The following EBF3 variants were observed in gnomAD, a reference collection of about 807,000 sequenced individuals.
The protein encoded by EBF3 is transcription factor COE3.
A neutral mutation model predicts 77.1 loss-of-function variants in EBF3; 18 were observed. The observed-to-expected ratio is 0.23, with a 90% CI of 0.16 to 0.35. EBF3 has a LOEUF of 0.35. Among genes scored for constraint, EBF3 ranks in the 10% least tolerant of loss-of-function variants. The pLI, the probability that EBF3 is intolerant of heterozygous loss-of-function variation, is 1.00. For missense variants in EBF3, 558 were observed against 860.0 expected, an observed-to-expected ratio of 0.65 and a Z score of 4.39; for synonymous variants, 350 against 343.5, an observed-to-expected ratio of 1.02 and a Z score of -0.21.
chr10:129,931,875 G>T (rs1857049294), intron 6 of EBF3, among the ~76,000 whole-genome samples: 1 of 152,194 alleles, frequency 6.6e-6, no homozygotes, highest in African/African-American at 2.4e-5. Context: ...TGGGTATCTG[G>T]AGTGCCCTGG....
intron 6 of EBF3, among the ~76,000 whole-genome samples, chr10:129,916,842 G>A (rs556535972): frequency 2.0e-5 from 3 of 152,326 alleles, no homozygotes; most frequent in East Asian, 1.9e-4. Context: ...CAGGACGAAG[G>A]TGCTCCCTGG....
chr10:129,928,401 T>A (rs1035237167), intron 6 of EBF3, among the ~76,000 whole-genome samples: 5 of 152,208 alleles, frequency 3.3e-5, no homozygotes, highest in African/African-American at 1.2e-4. Flanking sequence ...ACACACATTT[T>A]TATATCATTT....
At chr10:129,950,976 T>A (rs1380627899) in intron 6 of EBF3, among the ~76,000 whole-genome samples, 1 of 152,216 alleles carries the variant, frequency 6.6e-6, no homozygotes, top group African/African-American at 2.4e-5. Flanking sequence ...GAGCTTGGAA[T>A]TTTTATCTTC....
At chr10:129,940,791 G>C (rs1010239071) in intron 6 of EBF3, among the ~76,000 whole-genome samples, 1 of 152,138 alleles carries the variant, frequency 6.6e-6, no homozygotes, top group Non-Finnish European at 1.5e-5. Context: ...GGGGAACCGC[G>C]GGGGAGTCTG....
intron 6 of EBF3, among the ~76,000 whole-genome samples, chr10:129,909,137 T>A (rs1219868685): frequency 6.6e-6 from 1 of 152,178 alleles, no homozygotes; most frequent in Non-Finnish European, 1.5e-5. Flanking sequence ...GGCTCTTTTA[T>A]CCTTTAACTT....
At chr10:129,949,316 G>GAA (rs1195094506) in intron 6 of EBF3, among the ~76,000 whole-genome samples, 2 of 152,026 alleles carry the variant, frequency 1.3e-5, no homozygotes, top group Non-Finnish European at 2.9e-5. Context: ...AACACACACA[G>GAA]AAAAGAAAAG....
At chr10:129,886,525 G>C (rs1019349320) in intron 6 of EBF3, among the ~76,000 whole-genome samples, 2 of 152,184 alleles carry the variant, frequency 1.3e-5, no homozygotes, top group Admixed American at 1.3e-4. Flanking sequence ...ATCCCGTTCT[G>C]TGGCTCGGGG....
In EBF3 at chr10:129,879,494, A is replaced by G. The variant is rs1209602469; in HGVS notation, c.555-1645T>C. On this transcript the variant is annotated intron_variant, in intron 6 of 16. Transcript: ENST00000440978. This position sits in a 1 kb window ranked among gnomAD's most constrained non-coding sequence, Gnocchi z 4.7. ...ACTCATCTAAGTGCCCCCCCAGCAT[A>G]TCCTGGATGACTTCTTACTGTGGCA... Among the ~76,000 whole-genome samples the G allele has an allele frequency of 2.0e-5, 3 of 152,214 alleles. No homozygotes were observed. The highest frequency in any genetic ancestry group is 7.2e-5 in the African/African-American group (3 of 41,456).
chr10:129,876,466 C>T (rs1206283325), intron 7 of EBF3, among the ~76,000 whole-genome samples: 2 of 152,198 alleles, frequency 1.3e-5, no homozygotes, highest in Non-Finnish European at 2.9e-5. Context: ...CCCAACTGTT[C>T]GCAGGAAACA....
At chr10:129,876,562 T>C (rs1041604692) in intron 7 of EBF3, among the ~76,000 whole-genome samples, 1 of 152,238 alleles carries the variant, frequency 6.6e-6, no homozygotes, top group African/African-American at 2.4e-5. Context: ...TGGAGACAGA[T>C]GTCACGTGAT....
At chr10:129,959,040 G>C in intron 4 of EBF3, 33 bp from the exon 5 acceptor site, 1 of 1,595,972 alleles carries the variant, frequency 6.3e-7, no homozygotes, top group Non-Finnish European at 8.5e-7. Context: ...CTGGGGTTAC[G>C]CGGCGCCCGC....
chr10:129,840,522 G>GA, intron 14 of EBF3, 80 bp from the exon 15 acceptor site: 1 of 1,465,222 alleles, frequency 6.8e-7, no homozygotes, highest in Admixed American at 2.1e-5. Context: ...CCTCGCCTCG[G>GA]ACGGGGGGGC....
intron 6 of EBF3, among the ~76,000 whole-genome samples, chr10:129,948,875 T>C (rs1296419708): frequency 6.6e-6 from 1 of 152,154 alleles, no homozygotes; most frequent in Non-Finnish European, 1.5e-5. Context: ...CTCCTGACTA[T>C]GGGATGTCAT....
chr10:129,838,986 G>A, intron 16 of EBF3, 97 bp downstream of exon 16: 1 of 1,168,454 alleles, frequency 8.6e-7, no homozygotes, highest in Non-Finnish European at 1.1e-6. Flanking sequence ...GGTGCCCGCT[G>A]ATGGCACGCA....
In EBF3 at chr10:129,885,162, T is replaced by A. The variant is rs1373064007; in HGVS notation, c.555-7313A>T. ...TGTCAAGAGGCACTTATAGATACCA[T>A]GATCTTGTACTTTTGCAATGATTCT... On this transcript the variant is annotated intron_variant, in intron 6 of 16. Coordinates refer to ENST00000440978, the MANE Select transcript of EBF3 (RefSeq NM_001375380.1). The surrounding 1 kb of genome is among the most constrained non-coding windows in gnomAD (Gnocchi z 4.0). Among the ~76,000 whole-genome samples, 1 of 152,222 alleles carries A rather than the reference T, an allele frequency of 6.6e-6. No homozygotes were observed. Among genetic ancestry groups the A allele is most frequent in the Non-Finnish European group, 1.5e-5 (1 of 68,042 alleles).
chr10:129,932,702 A>C (rs1326235856), intron 6 of EBF3, among the ~76,000 whole-genome samples: 1 of 152,152 alleles, frequency 6.6e-6, no homozygotes, highest in Non-Finnish European at 1.5e-5. Context: ...CCACAGAAAC[A>C]AACTAAAATG....
chr10:129,838,940 G>A (rs1438830009), intron 16 of EBF3, 143 bp downstream of exon 16: 2 of 716,802 alleles, frequency 2.8e-6, no homozygotes, highest in South Asian at 1.7e-5. Flanking sequence ...CAGGGCCGCG[G>A]CACCTCACCA....
In EBF3 at chr10:129,951,997, C is replaced by T. The variant is rs1322133159; in HGVS notation, c.554+5261G>A. ...TAAAACAGCCATTCACACCTGAGCC[C>T]GGCGAAGCCAAATGGGGCCGGTGCC... On this transcript the variant is annotated intron_variant, in intron 6 of 16. Transcript: ENST00000440978. Among the ~76,000 whole-genome samples the T allele has an allele frequency of 4.6e-5, 7 of 152,360 alleles. No individual in the cohort carries two copies. In the East Asian group the frequency reaches 1.2e-3, roughly 25 times the overall value.
At chr10:129,856,755 G>C (rs1407759985) in intron 10 of EBF3, among the ~76,000 whole-genome samples, 5 of 152,252 alleles carry the variant, frequency 3.3e-5, no homozygotes, top group African/African-American at 1.2e-4. Flanking sequence ...TGTTGAATTA[G>C]ACTGATGGTT....
Sources: gnomAD v4.1 joint callset for allele counts (sites outside exome capture counted in the v4.1 genomes callset) on GRCh38, gnomAD v4.1.1 for gene constraint, Gnocchi (gnomAD v3.1) non-coding constraint, MANE v1.5 for transcripts, NCBI Gene and HGNC (gene_info 2026-07-23, HGNC 2026-07-21) for gene names.